Variants in RTTN observed in about 807,000 individuals in gnomAD.
The protein encoded by RTTN is rotatin.
In RTTN, 182 loss-of-function variants were observed where a neutral mutation model predicts 269.2. The ratio of observed to expected loss-of-function variants is 0.68; its 90% CI spans 0.60 to 0.76. The LOEUF is 0.76. RTTN is among the 30% of genes least tolerant of loss of function. The pLI is 0.00. For synonymous variants in RTTN, 1,006 were observed against 963.5 expected (o/e 1.04, Z -0.82); for missense variants, 2,545 against 2,608.6 (o/e 0.98, Z 0.53).
intron 28 of RTTN, among the ~76,000 whole-genome samples, chr18:70,106,380 T>A (rs556775590): frequency 0.012 from 1,872 of 152,186 alleles, 22 homozygotes; most frequent in South Asian, 0.037. Flanking sequence ...ATATAATGTA[T>A]TAAGTAATAG....
intron 31 of RTTN, among the ~76,000 whole-genome samples, chr18:70,087,581 GA>G (rs1327137363): frequency 6.6e-6 from 1 of 151,660 alleles, no homozygotes; most frequent in Non-Finnish European, 1.5e-5. Flanking sequence ...TATTCAGAAA[GA>G]ATTAAAATAG....
intron 41 of RTTN, 45 bp downstream of exon 41, chr18:70,030,831 G>T: frequency 2.2e-6 from 3 of 1,361,486 alleles, no homozygotes; most frequent in South Asian, 2.5e-5. Flanking sequence ...CAAAACATAT[G>T]AATTGATAAT....
At position 70,080,486 on chromosome 18, in the gene RTTN, AAAT is replaced by A. The variant is rs1307227250; in HGVS notation, c.4375-4948_4375-4946del. Among the ~76,000 whole-genome samples, 10 of 152,342 alleles carry A rather than the reference AAAT, an allele frequency of 6.6e-5. No homozygotes were observed. In the South Asian group the frequency reaches 1.7e-3, roughly 25 times the overall value. On this transcript the variant is annotated intron_variant, in intron 32 of 48. Transcript: ENST00000640769. ...GCAAGAATGATTTGAACATTGAAAC[AAAT>A]AATGATAGAAACAGATTATAGCCCA...
chr18:70,184,723 T>TGG (rs2061503376), intron 10 of RTTN, among the ~76,000 whole-genome samples: 1 of 108,406 alleles, frequency 9.2e-6, no homozygotes, highest in Non-Finnish European at 1.9e-5. Context: ...TTTTTGTGTG[T>TGG]GTGTGTGTGT....
chr18:70,118,036 T>C (rs112850149), intron 26 of RTTN, among the ~76,000 whole-genome samples: 1,980 of 151,644 alleles, frequency 0.013, 27 homozygotes, highest in Middle Eastern at 0.027. Context: ...AAAAGAAAGA[T>C]ATCAAGTAAA....
chr18:70,166,380 G>A (rs1196866835), intron 13 of RTTN, 192 bp from the exon 14 acceptor site: 15 of 433,752 alleles, frequency 3.5e-5, no homozygotes, highest in Non-Finnish European at 5.1e-5. Context: ...CTGTCTTAAA[G>A]AGTATTTTTA....
chr18:70,034,907 C>T (rs73466750), intron 40 of RTTN, among the ~76,000 whole-genome samples: 2,950 of 152,200 alleles, frequency 0.019, 84 homozygotes, highest in African/African-American at 0.067. Flanking sequence ...AACAATCAAG[C>T]CGAGAGGCAA....
intron 35 of RTTN, among the ~76,000 whole-genome samples, chr18:70,063,093 T>C (rs1344304575): frequency 1.3e-5 from 2 of 152,216 alleles, no homozygotes; most frequent in African/African-American, 4.8e-5. Flanking sequence ...ATTTTTATAT[T>C]GCTGGAGATA....
In RTTN at chr18:70,030,982, C is replaced by T. The variant is rs2056996149; in HGVS notation, c.5542-1G>A. 1 of 1,601,070 alleles carries T rather than the reference C, an allele frequency of 6.2e-7. No homozygotes were observed. Among genetic ancestry groups the T allele is most frequent in the Non-Finnish European group, 8.5e-7 (1 of 1,171,580 alleles). On this transcript the variant is annotated splice_acceptor_variant, in intron 40 of 48. Transcript: ENST00000640769. LOFTEE classifies it high-confidence loss of function. ...CTTTGGAGGATTTCCCTTCATAGCA[C>T]TGCAGAGAATATAAATCAAACTGCC...
intron 3 of RTTN, among the ~76,000 whole-genome samples, chr18:70,202,618 T>C (rs1385099795): frequency 6.6e-6 from 1 of 152,236 alleles, no homozygotes; most frequent in Non-Finnish European, 1.5e-5. Context: ...TCTACTTTAT[T>C]TGTGATGTCT....
rs2061899648 is a variant in RTTN at position 70,199,597 on chromosome 18, C to T, written c.488-93G>A. On this transcript the variant is annotated intron_variant, in intron 4 of 48. Transcript: ENST00000640769. ...GTAAGTTTTCCCTTTAAAACAAGTC[C>T]CAAAATAAAGGCTGCATCTTACAGT... The T allele has an allele frequency of 4.6e-6, 4 of 863,782 alleles. No individual in the cohort carries two copies. The Admixed American group carries it at 8.4e-5, about 18-fold the overall frequency. The allele number at this position is 863,782 out of a possible 1,614,324, so 53.5% of individuals were successfully genotyped here.
In RTTN at chr18:70,121,683, G is replaced by T. The variant is rs751565369; in HGVS notation, c.3401C>A (p.Pro1134His). The change falls in exon 26 of 49, where the codon CCT becomes CAT. Residue 1134 changes from proline (P) to histidine (H), a missense_variant. Coordinates refer to ENST00000640769, the MANE Select transcript of RTTN (RefSeq NM_173630.4). ...CAGTTTCTCATCTTCAGTGCAAGCA[G>T]GAAGCACCTGTAAAAACCTATAATG... ...TALNRFLQVL[P>H]ACTEDEKLLI... 1 of 1,555,110 alleles carries T rather than the reference G, an allele frequency of 6.4e-7. No homozygotes were observed. The highest frequency in any genetic ancestry group is 1.4e-5 in the African/African-American group (1 of 71,104).
Position 70,150,647 on chromosome 18 carries a change from A to C in RTTN, c.2016T>G (p.Tyr672Ter). The C allele has an allele frequency of 6.2e-7, 1 of 1,612,676 alleles. No homozygotes were observed. Among genetic ancestry groups the C allele is most frequent in the Non-Finnish European group, 8.5e-7 (1 of 1,178,950 alleles). Residue 672 changes from tyrosine (Y) to a stop codon, truncating the protein, a stop_gained, in exon 15 of 49, where the codon TAT (tyrosine) becomes TAG (stop). Coordinates refer to ENST00000640769, the MANE Select transcript of RTTN (RefSeq NM_173630.4). LOFTEE classifies it high-confidence loss of function. The part of the protein sequence containing the change: ...IHFLLHPKVL[Y>*]EISVFGIQEP... ...CTTGAATGCCAAATACAGAGATTTC[A>C]TACAGAACTTTTGGATGAAGTAGAA...
At chr18:70,166,008 G>A (rs2145904390) in intron 14 of RTTN, 54 bp downstream of exon 14, 4 of 1,576,890 alleles carry the variant, frequency 2.5e-6, no homozygotes, top group Middle Eastern at 1.7e-4. Context: ...GGTATAACAA[G>A]AGAGTCTACT....
At chr18:70,171,511 A>T (rs900958993) in intron 11 of RTTN, among the ~76,000 whole-genome samples, 1 of 152,208 alleles carries the variant, frequency 6.6e-6, no homozygotes. Context: ...AACTCTTGCT[A>T]TCTCAACAAC....
chr18:70,196,048 T>C (rs1340123051), intron 7 of RTTN, among the ~76,000 whole-genome samples: 1 of 152,246 alleles, frequency 6.6e-6, no homozygotes, highest in Non-Finnish European at 1.5e-5. Context: ...ACTTTTTCTC[T>C]GAAGTCTCAC....
intron 23 of RTTN, among the ~76,000 whole-genome samples, chr18:70,132,428 G>T (rs1013066013): frequency 2.6e-5 from 4 of 151,588 alleles, no homozygotes; most frequent in Admixed American, 2.0e-4. Context: ...AAACTCTAAA[G>T]AATTAAAATC....
intron 32 of RTTN, among the ~76,000 whole-genome samples, chr18:70,077,620 A>C (rs2058461269): frequency 6.6e-6 from 1 of 152,018 alleles, no homozygotes; most frequent in African/African-American, 2.4e-5. Flanking sequence ...AGTGATAAAG[A>C]ACCTAGTTTA....
chr18:70,205,555 C>T (rs1027793516), intron 1 of RTTN, 73 bp downstream of exon 1: 31 of 1,592,144 alleles, frequency 1.9e-5, no homozygotes, highest in Middle Eastern at 1.7e-4. Flanking sequence ...GCCGCGGAAA[C>T]GTGACACGAC....
Sources: allele counts gnomAD v4.1 joint callset (sites outside exome capture counted in the v4.1 genomes callset), GRCh38; gene constraint gnomAD v4.1.1; transcripts MANE v1.5; gene names NCBI Gene and HGNC (gene_info 2026-07-23, HGNC 2026-07-21).